Variants in NRXN1 observed in about 807,000 individuals in gnomAD.
NRXN1 encodes neurexin 1.
NRXN1 carries 39 observed loss-of-function variants against 150.9 expected under a neutral mutation model. The observed-to-expected ratio is 0.26, with a 90% CI of 0.20 to 0.34. The LOEUF is 0.34. Ranked by LOEUF, NRXN1 falls within the 10% of genes least tolerant of loss-of-function variation. The pLI is 1.00. For synonymous variants in NRXN1, 924 were observed against 757.0 expected (o/e 1.22, Z -3.62); for missense variants, 1,815 against 1,949.9 (o/e 0.93, Z 1.30).
At position 49,946,180 on chromosome 2, in the gene NRXN1, C is replaced by T. The variant is rs1163340718; in HGVS notation, c.4129-2389G>A. Among the ~76,000 whole-genome samples, 5 of 152,182 alleles carry T rather than the reference C, an allele frequency of 3.3e-5. No homozygotes were observed. In the East Asian group the frequency reaches 7.7e-4, roughly 24 times the overall value. ...ATATGTGTGTTGGCCGTATAAATGT[C>T]TTCTTTTGAAAAGTGTATGTTCATA... is the stretch of plus-strand genomic sequence containing the variant. On this transcript the variant is annotated intron_variant, in intron 21 of 22. Transcript: ENST00000401669.
chr2:50,625,773 A>G (rs56708507), intron 5 of NRXN1, among the ~76,000 whole-genome samples: 5,808 of 152,166 alleles, frequency 0.038, 364 homozygotes, highest in African/African-American at 0.13. Flanking sequence ...AGAGATACCA[A>G]TCTTTCAGAA....
At chr2:49,934,634 A>G (rs968817654) in intron 22 of NRXN1, among the ~76,000 whole-genome samples, 1 of 152,188 alleles carries the variant, frequency 6.6e-6, no homozygotes, top group African/African-American at 2.4e-5. Flanking sequence ...CAAGTCTAGC[A>G]TTAGGAAATA....
chr2:50,528,709 G>T, intron 11 of NRXN1, 58 bp from the exon 12 acceptor site: 2 of 1,099,892 alleles, frequency 1.8e-6, no homozygotes, highest in South Asian at 1.4e-5. Context: ...AATAGCTGCA[G>T]ACATCCAATA....
intron 5 of NRXN1, among the ~76,000 whole-genome samples, chr2:50,671,404 CA>C (rs1178027998): frequency 1.3e-5 from 2 of 151,368 alleles, no homozygotes; most frequent in African/African-American, 4.8e-5. Flanking sequence ...CTGAATATGG[CA>C]AAATTATATG....
chr2:50,256,330 T>A, intron 17 of NRXN1, among the ~76,000 whole-genome samples: 1 of 152,164 alleles, frequency 6.6e-6, no homozygotes. Flanking sequence ...AATAGTTGGT[T>A]GGCTACATAG....
intron 17 of NRXN1, among the ~76,000 whole-genome samples, chr2:50,432,671 C>A (rs1345245271): frequency 2.0e-5 from 3 of 152,188 alleles, no homozygotes; most frequent in African/African-American, 7.2e-5. Context: ...CCCTGAACCA[C>A]TTTCCTTTCA....
intron 17 of NRXN1, among the ~76,000 whole-genome samples, chr2:50,248,488 T>G (rs1237990254): frequency 6.6e-6 from 1 of 152,160 alleles, no homozygotes. Flanking sequence ...TAAATTTGCT[T>G]AACGCAGAGC....
At chr2:50,114,865 G>A (rs986386102) in intron 18 of NRXN1, among the ~76,000 whole-genome samples, 1 of 151,988 alleles carries the variant, frequency 6.6e-6, no homozygotes, top group African/African-American at 2.4e-5. Flanking sequence ...AGTGGGGAGA[G>A]AGGGATGAAT....
At position 50,137,815 on chromosome 2, in the gene NRXN1, A is replaced by G. The variant is rs899474979; in HGVS notation, c.3547-46321T>C. On this transcript the variant is annotated intron_variant, in intron 18 of 22. Coordinates refer to ENST00000401669, the MANE Select transcript of NRXN1 (RefSeq NM_001330078.2). ...AGTAATGTTTTAAAAAGAAAAAAATAAAAACTTTGTTTTGTTGTACTTCTT... is the reference window on the plus strand; with the variant it reads ...AGTAATGTTTTAAAAAGAAAAAAATGAAAACTTTGTTTTGTTGTACTTCTT... Among the ~76,000 whole-genome samples, 5 of 152,228 alleles carry G rather than the reference A, an allele frequency of 3.3e-5. No homozygotes were observed. In the South Asian group the frequency reaches 1.0e-3, roughly 32 times the overall value.
chr2:50,854,618 G>A (rs903125423), intron 5 of NRXN1, among the ~76,000 whole-genome samples: 4 of 152,022 alleles, frequency 2.6e-5, no homozygotes, highest in Non-Finnish European at 5.9e-5. Flanking sequence ...AATAAGAGTT[G>A]AAGCCTTGGC....
intron 17 of NRXN1, among the ~76,000 whole-genome samples, chr2:50,293,631 A>G (rs987776830): frequency 1.3e-5 from 2 of 152,180 alleles, no homozygotes; most frequent in African/African-American, 4.8e-5. Context: ...ATACACTGGT[A>G]TAAGTAAAGG....
At chr2:49,987,048 A>G (rs932511231) in intron 21 of NRXN1, among the ~76,000 whole-genome samples, 3 of 152,092 alleles carry the variant, frequency 2.0e-5, no homozygotes, top group African/African-American at 4.8e-5. Context: ...AGTGAGAAAA[A>G]AAAAAGAAAA....
chr2:50,065,142 T>C (rs1695172909), intron 19 of NRXN1, among the ~76,000 whole-genome samples: 1 of 152,170 alleles, frequency 6.6e-6, no homozygotes, highest in Non-Finnish European at 1.5e-5. Flanking sequence ...AAGAAAATAA[T>C]GTATTGAGTA....
At chr2:50,324,986 G>C (rs1250551281) in intron 17 of NRXN1, among the ~76,000 whole-genome samples, 1 of 152,144 alleles carries the variant, frequency 6.6e-6, no homozygotes, top group Non-Finnish European at 1.5e-5. Flanking sequence ...ATTTCAGGTG[G>C]AAAAAGCCCA....
chr2:50,286,461 T>C (rs572487199), intron 17 of NRXN1, among the ~76,000 whole-genome samples: 1 of 152,200 alleles, frequency 6.6e-6, no homozygotes, highest in Non-Finnish European at 1.5e-5. Flanking sequence ...TTGACAGAAT[T>C]TCCATCTTTA....
chr2:49,982,104 T>C (rs1448099946), intron 21 of NRXN1, among the ~76,000 whole-genome samples: 1 of 152,128 alleles, frequency 6.6e-6, no homozygotes, highest in African/African-American at 2.4e-5. Context: ...TTCCTGCAGA[T>C]AGTCACACCA....
chr2:50,915,140 G>A (rs1008460780), intron 5 of NRXN1, among the ~76,000 whole-genome samples: 3 of 151,586 alleles, frequency 2.0e-5, no homozygotes, highest in Non-Finnish European at 4.4e-5. Flanking sequence ...AAATCTTGAA[G>A]TATGTGAGAA....
At chr2:50,880,898 T>C (rs1679332208) in intron 5 of NRXN1, among the ~76,000 whole-genome samples, 2 of 152,030 alleles carry the variant, frequency 1.3e-5, no homozygotes, top group East Asian at 3.9e-4. Flanking sequence ...CTTTAAGCAA[T>C]GCTTGTAATA....
intron 21 of NRXN1, among the ~76,000 whole-genome samples, chr2:50,000,176 T>C (rs1256572520): frequency 2.0e-5 from 3 of 152,126 alleles, no homozygotes; most frequent in South Asian, 2.1e-4. Flanking sequence ...GTGCAAGCTA[T>C]AGAAACAGTC....
Sources: allele counts gnomAD v4.1 joint callset (sites outside exome capture counted in the v4.1 genomes callset), GRCh38; gene constraint gnomAD v4.1.1; transcripts MANE v1.5; gene names NCBI Gene and HGNC (gene_info 2026-07-23, HGNC 2026-07-21).